LMNTD1: variants seen among roughly 807,000 people sequenced by gnomAD.
LMNTD1 encodes the protein lamin tail domain-containing protein 1.
In LMNTD1, 35 loss-of-function variants were observed where a neutral mutation model predicts 50.9. The ratio of observed to expected loss-of-function variants is 0.69; its 90% CI spans 0.53 to 0.91. The LOEUF is 0.91. LMNTD1 is among the 40% of genes least tolerant of loss of function. The probability of loss-of-function intolerance (pLI) is 0.00; values close to 1 mark genes in which losing one functional copy is unlikely to be tolerated. For missense variants in LMNTD1, 470 were observed against 475.5 expected, an observed-to-expected ratio of 0.99 and a Z score of 0.11; for synonymous variants, 153 against 161.9, an observed-to-expected ratio of 0.94 and a Z score of 0.42.
At chr12:25,510,689 G>T (rs999122051) in intron 8 of LMNTD1, among the ~76,000 whole-genome samples, 7 of 151,382 alleles carry the variant, frequency 4.6e-5, no homozygotes, top group Admixed American at 3.9e-4. Flanking sequence ...GGGATATTTT[G>T]TATTCCATTT....
intron 1 of LMNTD1, among the ~76,000 whole-genome samples, chr12:25,582,785 G>A (rs1042073167): frequency 2.0e-5 from 3 of 152,150 alleles, no homozygotes; most frequent in African/African-American, 4.8e-5. Flanking sequence ...TGCTAACTAC[G>A]AAATGCACAC....
chr12:25,498,037 A>G (rs1939165962), intron 9 of LMNTD1, among the ~76,000 whole-genome samples: 1 of 152,184 alleles, frequency 6.6e-6, no homozygotes, highest in Non-Finnish European at 1.5e-5. Context: ...CTTCCTGTAT[A>G]TGCTATATAA....
intron 1 of LMNTD1, among the ~76,000 whole-genome samples, chr12:25,635,972 C>CAA: frequency 6.6e-6 from 1 of 152,282 alleles, no homozygotes; most frequent in South Asian, 2.1e-4. Context: ...TCACCTTATA[C>CAA]AAAAATCAAC....
chr12:25,547,591 T>G (rs1286478900), intron 3 of LMNTD1, among the ~76,000 whole-genome samples: 1 of 151,474 alleles, frequency 6.6e-6, no homozygotes, highest in Non-Finnish European at 1.5e-5. Context: ...TATAAAGAAA[T>G]AAAATCATCG....
upstream of LMNTD1, among the ~76,000 whole-genome samples, chr12:25,554,214 G>A (rs1943934960): frequency 6.6e-6 from 1 of 152,144 alleles, no homozygotes; most frequent in South Asian, 2.1e-4. Flanking sequence ...AATTAAAAAT[G>A]GGCTTGTCAT....
chr12:25,563,838 G>A (rs913697699), intron 1 of LMNTD1, among the ~76,000 whole-genome samples: 2 of 152,180 alleles, frequency 1.3e-5, no homozygotes, highest in Non-Finnish European at 2.9e-5. Flanking sequence ...TCAAGCCTCA[G>A]CAATGGTGGG....
upstream of LMNTD1, among the ~76,000 whole-genome samples, chr12:25,556,412 A>G (rs1944045785): frequency 6.6e-6 from 1 of 152,208 alleles, no homozygotes; most frequent in Non-Finnish European, 1.5e-5. Context: ...GCCAAGATTT[A>G]GTCTCATCCA....
chr12:25,498,188 T>G (rs961661292), intron 9 of LMNTD1, among the ~76,000 whole-genome samples: 3 of 152,156 alleles, frequency 2.0e-5, no homozygotes, highest in African/African-American at 7.2e-5. Flanking sequence ...TTTTAGACTG[T>G]TGATAGGTAT....
At chr12:25,553,297 G>T, upstream of LMNTD1, 1 of 1,399,392 alleles carries the variant, frequency 7.1e-7, no homozygotes, top group East Asian at 2.6e-5. Flanking sequence ...TGTTGCTTCT[G>T]GCCAACACTG....
intron 1 of LMNTD1, among the ~76,000 whole-genome samples, chr12:25,609,656 GCA>G (rs762065044): frequency 1.7e-4 from 26 of 152,180 alleles, no homozygotes; most frequent in Non-Finnish European, 3.4e-4. Context: ...AGCGGAGGCT[GCA>G]GAATAGCAAA....
intron 1 of LMNTD1, among the ~76,000 whole-genome samples, chr12:25,629,235 C>T (rs1051997571): frequency 2.0e-5 from 3 of 152,132 alleles, no homozygotes; most frequent in Admixed American, 2.0e-4. Flanking sequence ...TTCTTCTAAA[C>T]GATAGTAGAG....
rs1205330584 is a variant in LMNTD1 at position 25,549,530 on chromosome 12, C to T, written c.106G>A (p.Gly36Arg). The T allele has an allele frequency of 1.2e-6, 2 of 1,603,926 alleles. No homozygotes were observed. Among genetic ancestry groups the T allele is most frequent in the East Asian group, 2.2e-5 (1 of 44,678 alleles). Residue 36 changes from glycine (G) to arginine (R), a missense_variant, in exon 3 of 10, where the codon GGA (glycine) becomes AGA (arginine). By Grantham distance (125) the Gly-to-Arg change is moderately radical. Transcript: ENST00000458174. ...EKQKQREDKLGVYSLVHFSPK... is the reference protein window; with the variant it reads ...EKQKQREDKLRVYSLVHFSPK... ...GAAAAATGTACTAAAGAATATACTC[C>T]AAGTTTGTCTTCTCTTCTGTGTACA... is the stretch of plus-strand genomic sequence containing the variant.
chr12:25,568,951 C>T (rs182748818), intron 1 of LMNTD1, among the ~76,000 whole-genome samples: 8 of 152,372 alleles, frequency 5.3e-5, no homozygotes, highest in Admixed American at 4.6e-4. Context: ...ACTAGGGCAA[C>T]ACCAAGGGGA....
intron 1 of LMNTD1, among the ~76,000 whole-genome samples, chr12:25,572,723 CA>C (rs1369864590): frequency 2.0e-5 from 3 of 151,968 alleles, no homozygotes; most frequent in Non-Finnish European, 4.4e-5. Flanking sequence ...AAACAAAAAG[CA>C]AAAAACCCCT....
At chr12:25,593,400 C>T (rs984109240) in intron 1 of LMNTD1, among the ~76,000 whole-genome samples, 1 of 152,178 alleles carries the variant, frequency 6.6e-6, no homozygotes, top group African/African-American at 2.4e-5. Context: ...CTGCAGACAA[C>T]CCCCAGTACC....
intron 4 of LMNTD1, among the ~76,000 whole-genome samples, chr12:25,532,029 T>G (rs1266969907): frequency 6.6e-6 from 1 of 152,166 alleles, no homozygotes; most frequent in Non-Finnish European, 1.5e-5. Flanking sequence ...TTTAATTACT[T>G]GAATATTTTA....
At chr12:25,603,184 C>T (rs1046906067) in intron 1 of LMNTD1, among the ~76,000 whole-genome samples, 6 of 152,044 alleles carry the variant, frequency 3.9e-5, no homozygotes, top group African/African-American at 1.4e-4. Context: ...CAGTTAATTT[C>T]ATAAGAATAT....
At chr12:25,621,870 T>C (rs887462364) in intron 1 of LMNTD1, among the ~76,000 whole-genome samples, 2 of 152,144 alleles carry the variant, frequency 1.3e-5, no homozygotes, top group Non-Finnish European at 2.9e-5. Context: ...CTGAATGAGA[T>C]GGGAAATCAA....
chr12:25,562,120 C>T (rs902759976), intron 1 of LMNTD1, among the ~76,000 whole-genome samples: 2 of 152,174 alleles, frequency 1.3e-5, no homozygotes, highest in Non-Finnish European at 2.9e-5. Flanking sequence ...TTAATTGGAA[C>T]ATTTAGCCCA....
Sources: gnomAD v4.1 joint callset for allele counts (sites outside exome capture counted in the v4.1 genomes callset) on GRCh38, gnomAD v4.1.1 for gene constraint, MANE v1.5 for transcripts, NCBI Gene and HGNC (gene_info 2026-07-23, HGNC 2026-07-21) for gene names.